LOXL2: variants seen among roughly 807,000 people sequenced by gnomAD.
The protein encoded by LOXL2 is lysyl oxidase homolog 2.
Under a neutral mutation model 93.0 loss-of-function variants are expected in LOXL2, and 70 were observed. That is an observed-to-expected ratio of 0.75 (90% CI 0.62 to 0.92). The LOEUF (loss-of-function observed/expected upper bound fraction) is 0.92. Ranked by LOEUF, LOXL2 falls within the 40% of genes least tolerant of loss-of-function variation. The probability of loss-of-function intolerance (pLI) is 0.00; values close to 1 mark genes in which losing one functional copy is unlikely to be tolerated. For missense variants in LOXL2, 973 were observed against 1,054.9 expected (o/e 0.92, Z 1.08); for synonymous variants, 438 against 413.2 (o/e 1.06, Z -0.73).
intron 1 of LOXL2, among the ~76,000 whole-genome samples, chr8:23,384,068 C>T (rs948827344): frequency 5.9e-5 from 9 of 152,154 alleles, no homozygotes; most frequent in South Asian, 2.1e-4. Flanking sequence ...CAAAACAGCT[C>T]GCCTACATAC....
Position 23,297,722 on chromosome 8 carries a change from C to CGCCGTCTCA in LOXL2, c.*320_*321insTGAGACGGC. The CGCCGTCTCA allele has an allele frequency of 4.7e-6, 1 of 211,650 alleles. No individual in the cohort carries two copies. The allele number at this position is 211,650 out of a possible 1,614,324, so 13.1% of individuals were successfully genotyped here. A position where few individuals can be genotyped will look rare whatever the true frequency, so the allele number is the denominator to read the frequency against. On this transcript the variant is annotated 3_prime_UTR_variant, in exon 14 of 14. Transcript: ENST00000389131. ...ACTGTGTCTGTGGTGAGCTCGGTGG[C>CGCCGTCTCA]TTGAATGGGACAAGCTGATGACAAC...
In LOXL2 at chr8:23,302,112, A is replaced by G. The variant is rs779026107; in HGVS notation, c.2048T>C (p.Met683Thr). 4 of 1,614,040 alleles carry G rather than the reference A, an allele frequency of 2.5e-6. No homozygotes were observed. The highest frequency in any genetic ancestry group is 2.2e-5 in the East Asian group (1 of 44,896). The change falls in exon 12 of 14, where the codon ATG becomes ACG. Residue 683 changes from methionine to threonine, a missense_variant. Transcript: ENST00000389131. ...ATGGCGGTACATGTCCCAGCAGCCCATGGTGATGCCCTGATCGCCGAAGTT... is the reference window on the plus strand; with the variant it reads ...ATGGCGGTACATGTCCCAGCAGCCCGTGGTGATGCCCTGATCGCCGAAGTT... The part of the protein sequence containing the change: ...CANFGDQGIT[M>T]GCWDMYRHDI...
intron 4 of LOXL2, among the ~76,000 whole-genome samples, chr8:23,335,007 T>G (rs1803767153): frequency 1.3e-5 from 2 of 152,034 alleles, no homozygotes; most frequent in Non-Finnish European, 2.9e-5. Flanking sequence ...GTAGAGACAG[T>G]GTTTCACCGT....
intron 3 of LOXL2, chr8:23,341,488 A>C (rs1803882643): frequency 2.1e-6 from 1 of 484,748 alleles, no homozygotes; most frequent in Admixed American, 3.3e-5. Context: ...CTTCTCCTAC[A>C]TCCGAACCTA....
intron 10 of LOXL2, among the ~76,000 whole-genome samples, chr8:23,304,269 G>A (rs536296021): frequency 1.3e-5 from 2 of 152,364 alleles, no homozygotes; most frequent in East Asian, 3.9e-4. Flanking sequence ...ATTGAGAACA[G>A]ATGCAGAGTC....
chr8:23,394,256 G>A (rs889333734), intron 1 of LOXL2, among the ~76,000 whole-genome samples: 6 of 152,010 alleles, frequency 3.9e-5, no homozygotes, highest in Admixed American at 2.0e-4. Context: ...AGTCAGATAC[G>A]GTAGCGCGTG....
chr8:23,389,279 C>T (rs1392116551), intron 1 of LOXL2, among the ~76,000 whole-genome samples: 1 of 152,144 alleles, frequency 6.6e-6, no homozygotes, highest in Non-Finnish European at 1.5e-5. Context: ...GAAAGGCCTA[C>T]TCCAAAAAAC....
At chr8:23,376,793 T>C (rs1016448907) in intron 1 of LOXL2, among the ~76,000 whole-genome samples, 2 of 152,236 alleles carry the variant, frequency 1.3e-5, no homozygotes, top group Non-Finnish European at 2.9e-5. Flanking sequence ...ATATCCCCTT[T>C]ATCATTTTTT....
intron 1 of LOXL2, among the ~76,000 whole-genome samples, chr8:23,391,648 G>A (rs540363187): frequency 1.3e-4 from 20 of 152,190 alleles, no homozygotes; most frequent in Non-Finnish European, 1.8e-4. Flanking sequence ...CAGGCAAGGG[G>A]AAGGTGAACA....
At chr8:23,347,780 G>C (rs1007981975) in intron 3 of LOXL2, among the ~76,000 whole-genome samples, 4 of 152,090 alleles carry the variant, frequency 2.6e-5, no homozygotes, top group African/African-American at 9.7e-5. Context: ...ACCAGCCTAG[G>C]CAACAGAATG....
intron 6 of LOXL2, among the ~76,000 whole-genome samples, chr8:23,327,367 T>A (rs1306404797): frequency 6.6e-6 from 1 of 152,176 alleles, no homozygotes; most frequent in South Asian, 2.1e-4. Context: ...GGGCTATCAT[T>A]TCTTCCAGGC....
chr8:23,337,998 G>A (rs948553328), intron 4 of LOXL2, among the ~76,000 whole-genome samples: 1 of 152,182 alleles, frequency 6.6e-6, no homozygotes, highest in African/African-American at 2.4e-5. Flanking sequence ...AAGGAAAGAG[G>A]TTCAATAAGC....
chr8:23,385,902 C>G (rs762041821), intron 1 of LOXL2: 1 of 763,896 alleles, frequency 1.3e-6, no homozygotes, highest in Non-Finnish European at 2.4e-6. Context: ...TGAAATCCAG[C>G]ACGTACTTTG....
intron 9 of LOXL2, among the ~76,000 whole-genome samples, chr8:23,310,195 C>T (rs1235511414): frequency 2.0e-5 from 3 of 152,188 alleles, no homozygotes; most frequent in African/African-American, 4.8e-5. Flanking sequence ...GATCATGGTA[C>T]GTTAACAGAT....
chr8:23,397,412 T>C (rs1373382886), intron 1 of LOXL2, among the ~76,000 whole-genome samples: 1 of 152,162 alleles, frequency 6.6e-6, no homozygotes, highest in African/African-American at 2.4e-5. Flanking sequence ...AAAGCCTATG[T>C]GGGTATATAC....
intron 3 of LOXL2, among the ~76,000 whole-genome samples, chr8:23,356,711 G>C (rs1301876812): frequency 1.3e-5 from 2 of 152,178 alleles, no homozygotes; most frequent in African/African-American, 4.8e-5. Flanking sequence ...TCACCAGCCT[G>C]ATCTGTCTGA....
rs548900717 is a variant in LOXL2, at chr8:23,356,543, C to T, written c.531+3547G>A. On this transcript the variant is annotated intron_variant, in intron 3 of 13. Transcript: ENST00000389131. ...AGCCCTGGATGCAAGAATCTTCTGG[C>T]AACTCAAGGAGGTTCTCCCCAGACA... 4.6e-5 allele frequency among the ~76,000 whole-genome samples: 7 copies of T among 152,338 alleles called. No individual in the cohort carries two copies. The South Asian group carries it at 1.2e-3, about 27-fold the overall frequency.
rs557266003 is a variant in LOXL2, at chr8:23,384,879, A to T, written c.-83-16445T>A. On this transcript the variant is annotated intron_variant, in intron 1 of 13. Transcript: ENST00000389131. Reference sequence around the variant, plus strand: ...CAGTGAGCCGAGATTACACCATTGTATTCCAGACGGAGTGAAACTCCGTCT... The same window carrying T: ...CAGTGAGCCGAGATTACACCATTGTTTTCCAGACGGAGTGAAACTCCGTCT... 3.9e-5 allele frequency among the ~76,000 whole-genome samples: 6 copies of T among 152,326 alleles called. No homozygotes were observed. The East Asian group carries it at 1.2e-3, about 29-fold the overall frequency.
At chr8:23,349,311 C>A (rs532242487) in intron 3 of LOXL2, among the ~76,000 whole-genome samples, 1 of 152,222 alleles carries the variant, frequency 6.6e-6, no homozygotes, top group Admixed American at 6.5e-5. Flanking sequence ...CTCAGATCTT[C>A]CTGGTGGTGC....
Sources: allele counts gnomAD v4.1 joint callset (sites outside exome capture counted in the v4.1 genomes callset), GRCh38; gene constraint gnomAD v4.1.1; transcripts MANE v1.5; gene names NCBI Gene and HGNC (gene_info 2026-07-23, HGNC 2026-07-21).